The following MAGI1 variants were observed in gnomAD, a reference collection of about 807,000 sequenced individuals.
MAGI1 encodes membrane-associated guanylate kinase, WW and PDZ domain-containing protein 1.
MAGI1 carries 58 observed loss-of-function variants against 139.9 expected under a neutral mutation model. The observed-to-expected ratio is 0.41, with a 90% CI of 0.34 to 0.52. MAGI1 has a LOEUF of 0.52. Among genes scored for constraint, MAGI1 ranks in the 20% least tolerant of loss-of-function variants. The probability of loss-of-function intolerance (pLI) is 0.12; values close to 1 mark genes in which losing one functional copy is unlikely to be tolerated. For missense variants in MAGI1, 1,874 were observed against 1,901.6 expected (o/e 0.99, Z 0.27); for synonymous variants, 812 against 737.9 (o/e 1.10, Z -1.63).
At chr3:65,359,348 C>T (rs1940544120) in intron 22 of MAGI1, 2 of 1,371,468 alleles carry the variant, frequency 1.5e-6, no homozygotes. Context: ...GCAGAGACCG[C>T]AATCGGAACA....
At chr3:65,640,316 C>G (rs1362031203) in intron 1 of MAGI1, among the ~76,000 whole-genome samples, 1 of 152,144 alleles carries the variant, frequency 6.6e-6, no homozygotes, top group Non-Finnish European at 1.5e-5. Context: ...GCATTCTACT[C>G]AATTCTTAAT....
intron 1 of MAGI1, among the ~76,000 whole-genome samples, chr3:65,765,164 C>T (rs780036529): frequency 4.6e-5 from 7 of 152,148 alleles, no homozygotes; most frequent in Non-Finnish European, 8.8e-5. Flanking sequence ...ATCTGACTTG[C>T]CTGTTCCCAT....
chr3:65,584,366 A>C (rs1055069821), intron 2 of MAGI1, among the ~76,000 whole-genome samples: 2 of 152,190 alleles, frequency 1.3e-5, no homozygotes, highest in Non-Finnish European at 1.5e-5. Context: ...TTCTTGGAGA[A>C]AGAAAAAAAC....
intron 1 of MAGI1, among the ~76,000 whole-genome samples, chr3:65,698,779 G>T (rs1295277316): frequency 6.8e-6 from 1 of 146,470 alleles, no homozygotes. Flanking sequence ...AACCCTAGAA[G>T]AAAACCTAGG....
chr3:65,905,551 A>G (rs1261660115), intron 1 of MAGI1, among the ~76,000 whole-genome samples: 1 of 151,944 alleles, frequency 6.6e-6, no homozygotes, highest in East Asian at 1.9e-4. Flanking sequence ...TCTGTCGCCC[A>G]CATCAGTCTT....
intron 2 of MAGI1, among the ~76,000 whole-genome samples, chr3:65,551,771 A>G (rs1274801497): frequency 6.6e-6 from 1 of 152,260 alleles, no homozygotes; most frequent in Non-Finnish European, 1.5e-5. Flanking sequence ...CACACTAAGC[A>G]TCTGAAACAG....
intron 1 of MAGI1, among the ~76,000 whole-genome samples, chr3:66,017,606 G>A (rs1488848227): frequency 6.6e-6 from 1 of 152,152 alleles, no homozygotes; most frequent in East Asian, 1.9e-4. Flanking sequence ...CAAGGCTCAG[G>A]GTTCTGACCG....
chr3:65,995,636 ATGAC>A (rs1372297735), intron 1 of MAGI1, among the ~76,000 whole-genome samples: 1 of 152,174 alleles, frequency 6.6e-6, no homozygotes, highest in African/African-American at 2.4e-5. Flanking sequence ...AGGAGAGAAA[ATGAC>A]AGACCAGCAA....
At chr3:65,592,587 G>A (rs574277075) in intron 2 of MAGI1, among the ~76,000 whole-genome samples, 6 of 152,230 alleles carry the variant, frequency 3.9e-5, no homozygotes, top group African/African-American at 1.4e-4. Context: ...AGGAGGTAGA[G>A]TGTGATAGCA....
intron 2 of MAGI1, among the ~76,000 whole-genome samples, chr3:65,505,406 A>T (rs553662511): frequency 6.5e-4 from 98 of 151,420 alleles, no homozygotes; most frequent in African/African-American, 2.0e-3. Context: ...AAAAAAAAAA[A>T]AAATAACTGG....
At chr3:65,915,337 C>T (rs1170268118) in intron 1 of MAGI1, among the ~76,000 whole-genome samples, 2 of 152,194 alleles carry the variant, frequency 1.3e-5, no homozygotes, top group African/African-American at 2.4e-5. Flanking sequence ...CAAACACCAA[C>T]GGGATGCTAA....
intron 3 of MAGI1, among the ~76,000 whole-genome samples, 179 bp from the exon 4 acceptor site, chr3:65,478,977 C>A (rs1306341933): frequency 6.6e-6 from 1 of 152,014 alleles, no homozygotes; most frequent in African/African-American, 2.4e-5. Context: ...CAGCTAGACA[C>A]AGTAATTTCA....
chr3:65,757,651 T>A (rs2036672068), intron 1 of MAGI1, among the ~76,000 whole-genome samples: 1 of 152,150 alleles, frequency 6.6e-6, no homozygotes, highest in South Asian at 2.1e-4. Flanking sequence ...AAATTATTAA[T>A]TTCTATAAAT....
intron 1 of MAGI1, among the ~76,000 whole-genome samples, chr3:65,968,346 A>G (rs1010419955): frequency 1.3e-5 from 2 of 152,232 alleles, no homozygotes; most frequent in African/African-American, 4.8e-5. Context: ...TGTTTGTAAA[A>G]ACAAAAGTCT....
intron 3 of MAGI1, among the ~76,000 whole-genome samples, chr3:65,483,243 C>T (rs1414669892): frequency 6.6e-6 from 1 of 152,188 alleles, no homozygotes; most frequent in Non-Finnish European, 1.5e-5. Context: ...TGTGAACTGC[C>T]CTTACCGTGC....
intron 1 of MAGI1, among the ~76,000 whole-genome samples, chr3:65,881,772 C>A (rs990309133): frequency 1.3e-5 from 2 of 152,140 alleles, no homozygotes; most frequent in Admixed American, 6.5e-5. Flanking sequence ...GGATTCAGCT[C>A]CTAGTGTTCA....
chr3:65,446,866 T>C (rs991936697), intron 7 of MAGI1, among the ~76,000 whole-genome samples: 1 of 152,214 alleles, frequency 6.6e-6, no homozygotes, highest in South Asian at 2.1e-4. Flanking sequence ...TTATTGACCA[T>C]TGTTGGCATG....
At chr3:65,739,565 T>C (rs1334397499) in intron 1 of MAGI1, among the ~76,000 whole-genome samples, 2 of 152,214 alleles carry the variant, frequency 1.3e-5, no homozygotes, top group Non-Finnish European at 2.9e-5. Context: ...GCCTTCCTCA[T>C]TCAGCTTAAT....
intron 2 of MAGI1, among the ~76,000 whole-genome samples, chr3:65,610,751 C>CTATATATAT (rs59887286): frequency 2.8e-4 from 6 of 21,162 alleles, no homozygotes; most frequent in South Asian, 1.1e-3. Flanking sequence ...AGTATATATA[C>CTATATATAT]AGTATATATA....
Sources: allele counts gnomAD v4.1 joint callset (sites outside exome capture counted in the v4.1 genomes callset), GRCh38; gene constraint gnomAD v4.1.1; transcripts MANE v1.5; gene names NCBI Gene and HGNC (gene_info 2026-07-23, HGNC 2026-07-21).